Variants in RAP2A observed in about 807,000 individuals in gnomAD.
The protein encoded by RAP2A is ras-related protein Rap-2a.
RAP2A carries 5 observed loss-of-function variants against 15.1 expected under a neutral mutation model. The ratio of observed to expected loss-of-function variants is 0.33; its 90% confidence interval spans 0.17 to 0.70. RAP2A has a LOEUF of 0.70. RAP2A is among the 30% of genes least tolerant of loss of function. The pLI is 0.68. For synonymous variants in RAP2A, 110 were observed against 99.7 expected (o/e 1.10, Z -0.62); for missense variants, 111 against 240.3 (o/e 0.46, Z 3.56).
intron 1 of RAP2A, among the ~76,000 whole-genome samples, chr13:97,453,379 T>C (rs948363762): frequency 2.0e-5 from 3 of 151,248 alleles, no homozygotes; most frequent in African/African-American, 7.3e-5. Flanking sequence ...CTTCCTTCCA[T>C]TCCCCTTCCC....
Position 97,434,486 on chromosome 13 carries a change from G to A in RAP2A, c.16G>A (p.Val6Met). The change falls in exon 1 of 2, where the codon GTG becomes ATG. Residue 6 changes from valine (V) to methionine (M), a missense_variant. Coordinates refer to ENST00000245304, the MANE Select transcript of RAP2A (RefSeq NM_021033.7). MREYK[V>M]VVLGSGGVGK... ...CGGAGGGACGATGCGCGAGTACAAA[G>A]TGGTGGTGCTGGGCTCGGGCGGGGT... 6.2e-7 allele frequency: 1 copy of A among 1,608,392 alleles called. No homozygotes were observed. The highest frequency in any genetic ancestry group is 8.5e-7 in the Non-Finnish European group (1 of 1,176,700).
At chr13:97,442,710 A>G (rs118092056) in intron 1 of RAP2A, among the ~76,000 whole-genome samples, 4,793 of 152,222 alleles carry the variant, frequency 0.031, 108 homozygotes, top group Middle Eastern at 0.061. Context: ...GGAAACTGCT[A>G]TCCTAGGACA....
intron 1 of RAP2A, among the ~76,000 whole-genome samples, chr13:97,459,664 C>T (rs1437325962): frequency 6.6e-6 from 1 of 152,222 alleles, no homozygotes; most frequent in African/African-American, 2.4e-5. Context: ...CCCAGAAACC[C>T]TTCCCATCTT....
At chr13:97,441,172 G>C (rs184109199) in intron 1 of RAP2A, among the ~76,000 whole-genome samples, 1 of 152,222 alleles carries the variant, frequency 6.6e-6, no homozygotes, top group East Asian at 1.9e-4. Flanking sequence ...GGGGTGATGA[G>C]GGAAGGGGTC....
At chr13:97,443,933 GAACGT>G (rs1441406385) in intron 1 of RAP2A, among the ~76,000 whole-genome samples, 15 of 152,050 alleles carry the variant, frequency 9.9e-5, no homozygotes, top group African/African-American at 3.6e-4. Context: ...GTGAGATAAC[GAACGT>G]AAAGTGTTTC....
At chr13:97,435,679 C>T (rs1316124962) in intron 1 of RAP2A, among the ~76,000 whole-genome samples, 3 of 152,032 alleles carry the variant, frequency 2.0e-5, no homozygotes, top group African/African-American at 7.2e-5. Flanking sequence ...CTTAAATTCA[C>T]TGAATATATT....
At position 97,468,805 on chromosome 13, in the gene RAP2A, G is replaced by T. The variant is rs1021202353; in HGVS notation, c.*4363G>T. ...ATCAATAGTGGATAGTTGGAAGAAC[G>T]TCTTTGAGGCTAAAAAGTAGTACTC... On this transcript the variant is annotated 3_prime_UTR_variant, in exon 2 of 2. Coordinates refer to ENST00000245304, the MANE Select transcript of RAP2A (RefSeq NM_021033.7). 1 of 152,144 alleles carries T rather than the reference G, an allele frequency of 6.6e-6. No homozygotes were observed. The highest frequency in any genetic ancestry group is 2.4e-5 in the African/African-American group (1 of 41,444). The allele number at this position is 152,144 out of a possible 1,614,324, so 9.4% of individuals were successfully genotyped here.
chr13:97,441,313 C>CA lies in RAP2A; in HGVS notation c.314+6534dup, dbSNP rs549771733. On this transcript the variant is annotated intron_variant, in intron 1 of 1. Transcript: ENST00000245304. ...CTAATACTTATTTTTTAATGGAGGG[C>CA]AAAAATAATTTAAATTATTAAACAT... Among the ~76,000 whole-genome samples the CA allele has an allele frequency of 1.8e-3, 269 of 151,674 alleles. 1 individual carries two copies. The highest frequency in any genetic ancestry group is 6.0e-3 in the African/African-American group (249 of 41,358).
intron 1 of RAP2A, among the ~76,000 whole-genome samples, chr13:97,463,174 G>C (rs1194044965): frequency 6.6e-6 from 1 of 152,152 alleles, no homozygotes; most frequent in Non-Finnish European, 1.5e-5. Flanking sequence ...AAAATGTCTT[G>C]TGAAAATATA....
chr13:97,441,159 G>A lies in RAP2A; in HGVS notation c.314+6375G>A, dbSNP rs1457848259. Among the ~76,000 whole-genome samples the A allele has an allele frequency of 2.6e-5, 4 of 152,178 alleles. 1 individual carries two copies. Among genetic ancestry groups the A allele is most frequent in the African/African-American group, 9.6e-5 (4 of 41,520 alleles). On this transcript the variant is annotated intron_variant, in intron 1 of 1. Coordinates refer to ENST00000245304, the MANE Select transcript of RAP2A (RefSeq NM_021033.7). Reference sequence around the variant, plus strand: ...CATTCTGTGAGAGCACTTTTGTCTGGCCGGGGTGATGAGGGAAGGGGTCAA... The same window carrying A: ...CATTCTGTGAGAGCACTTTTGTCTGACCGGGGTGATGAGGGAAGGGGTCAA...
chr13:97,463,623 T>G (rs2139043103), intron 1 of RAP2A, among the ~76,000 whole-genome samples: 1 of 152,274 alleles, frequency 6.6e-6, no homozygotes, highest in East Asian at 1.9e-4. Context: ...ACGAACATGA[T>G]CATTTTTTCA....
At chr13:97,435,376 A>C (rs1205454213) in intron 1 of RAP2A, among the ~76,000 whole-genome samples, 1 of 151,356 alleles carries the variant, frequency 6.6e-6, no homozygotes, top group African/African-American at 2.4e-5. Context: ...TTAACAGAGG[A>C]GTACAAATAA....
In RAP2A at chr13:97,434,904, C is replaced by G. The variant is rs1004657475; in HGVS notation, c.314+120C>G. On this transcript the variant is annotated intron_variant, in intron 1 of 1. Coordinates refer to ENST00000245304, the MANE Select transcript of RAP2A (RefSeq NM_021033.7). ...CTGGGGGGTGGCTCCAAGCTGGAGG[C>G]TTTACTATTGTCATTCTGCTCCTCC... 1.2e-5 allele frequency: 17 copies of G among 1,370,064 alleles called. No homozygotes were observed. In the African/African-American group the frequency reaches 1.8e-4, roughly 14 times the overall value. The allele number at this position is 1,370,064 out of a possible 1,614,324, so 84.9% of individuals were successfully genotyped here.
intron 1 of RAP2A, among the ~76,000 whole-genome samples, chr13:97,435,531 G>A (rs992471256): frequency 1.1e-4 from 15 of 142,310 alleles, no homozygotes; most frequent in South Asian, 2.2e-4. Context: ...CAAAACAGAA[G>A]CTTCTTCAAA....
At chr13:97,458,583 T>C (rs1445915248) in intron 1 of RAP2A, among the ~76,000 whole-genome samples, 3 of 152,148 alleles carry the variant, frequency 2.0e-5, no homozygotes, top group Non-Finnish European at 4.4e-5. Flanking sequence ...TATAGACATA[T>C]TACATATTTT....
At chr13:97,439,538 GGAGATTATTTTCAGTTTTGGA>G (rs1339910195) in intron 1 of RAP2A, among the ~76,000 whole-genome samples, 1 of 152,168 alleles carries the variant, frequency 6.6e-6, no homozygotes. Flanking sequence ...AATAGCTGGG[GGAGATTATTTTCAGTTTTGGA>G]GATGGTAATT....
chr13:97,460,804 A>G (rs1047097700), intron 1 of RAP2A, among the ~76,000 whole-genome samples: 1 of 152,120 alleles, frequency 6.6e-6, no homozygotes, highest in Non-Finnish European at 1.5e-5. Context: ...CTAGGCCCCC[A>G]TCACCATGGA....
rs147333900 is a variant in RAP2A, at chr13:97,467,757, G to A, written c.*3315G>A. Reference sequence around the variant, plus strand: ...TCAAGAATGACTGCAGTGGGTTTTGGAAACAGACTTATCATTATTGATTTG... The same window carrying A: ...TCAAGAATGACTGCAGTGGGTTTTGAAAACAGACTTATCATTATTGATTTG... On this transcript the variant is annotated 3_prime_UTR_variant, in exon 2 of 2. Transcript: ENST00000245304. 298 of 152,374 alleles carry A rather than the reference G, an allele frequency of 2.0e-3. 3 individuals are homozygous for A. The highest frequency in any genetic ancestry group is 6.9e-3 in the African/African-American group (286 of 41,444). The allele number at this position is 152,374 out of a possible 1,614,324, so 9.4% of individuals were successfully genotyped here.
intron 1 of RAP2A, chr13:97,436,279 T>C (rs1339711992): frequency 6.6e-6 from 1 of 152,200 alleles, no homozygotes; most frequent in Admixed American, 6.5e-5. Context: ...AAACTTAGTA[T>C]GAGGATGGCA....
Sources: allele counts gnomAD v4.1 joint callset (sites outside exome capture counted in the v4.1 genomes callset), GRCh38; gene constraint gnomAD v4.1.1; transcripts MANE v1.5; gene names NCBI Gene and HGNC (gene_info 2026-07-23, HGNC 2026-07-21).